Variants in TAF2 observed in about 807,000 individuals in gnomAD.
The protein encoded by TAF2 is TATA-box binding protein associated factor 2, also known as transcription initiation factor TFIID subunit 2.
In TAF2, 61 loss-of-function variants were observed where a neutral mutation model predicts 138.5. The observed-to-expected ratio is 0.44, with a 90% confidence interval of 0.36 to 0.54. The LOEUF (loss-of-function observed/expected upper bound fraction) is 0.54. Among genes scored for constraint, TAF2 ranks in the 20% least tolerant of loss-of-function variants. The pLI, the probability that TAF2 is intolerant of heterozygous loss-of-function variation, is 0.00. For synonymous variants in TAF2, 475 were observed against 469.9 expected, an observed-to-expected ratio of 1.01 and a Z score of -0.14; for missense variants, 1,090 against 1,427.9, an observed-to-expected ratio of 0.76 and a Z score of 3.81.
chr8:119,766,082 T>C (rs1293590029), intron 18 of TAF2, among the ~76,000 whole-genome samples: 1 of 152,228 alleles, frequency 6.6e-6, no homozygotes, highest in East Asian at 1.9e-4. Context: ...ACTACAACTA[T>C]GATATTACAT....
At chr8:119,754,036 A>G (rs754905656) in intron 22 of TAF2, among the ~76,000 whole-genome samples, 1 of 152,214 alleles carries the variant, frequency 6.6e-6, no homozygotes, top group African/African-American at 2.4e-5. Flanking sequence ...TCTTTCAGAG[A>G]TTAAAGAAAA....
intron 5 of TAF2, among the ~76,000 whole-genome samples, chr8:119,802,326 T>C (rs7832755): frequency 0.71 from 108,212 of 152,102 alleles, 38,656 homozygotes; most frequent in Middle Eastern, 0.85. Flanking sequence ...TGTATCCGCA[T>C]ATTAGTCAGT....
intron 3 of TAF2, among the ~76,000 whole-genome samples, chr8:119,810,570 T>G (rs1320403277): frequency 6.6e-6 from 1 of 152,216 alleles, no homozygotes. Flanking sequence ...TACAAAACTG[T>G]TTCAGAAGAG....
chr8:119,799,513 C>T (rs1824089742), intron 6 of TAF2, among the ~76,000 whole-genome samples: 1 of 152,140 alleles, frequency 6.6e-6, no homozygotes. Flanking sequence ...CATAGTATTC[C>T]ATGATGCATA....
intron 3 of TAF2, among the ~76,000 whole-genome samples, chr8:119,812,256 GC>G (rs1203929553): frequency 1.3e-5 from 2 of 152,040 alleles, no homozygotes; most frequent in South Asian, 2.1e-4. Flanking sequence ...AACTACCTGG[GC>G]CATAACAGGC....
intron 18 of TAF2, among the ~76,000 whole-genome samples, chr8:119,765,720 A>C (rs1467848771): frequency 6.6e-6 from 1 of 152,182 alleles, no homozygotes; most frequent in Non-Finnish European, 1.5e-5. Context: ...TTTAATTATA[A>C]AAATATTTTA....
At chr8:119,781,967 C>T (rs1455137049) in intron 16 of TAF2, among the ~76,000 whole-genome samples, 2 of 152,106 alleles carry the variant, frequency 1.3e-5, no homozygotes, top group African/African-American at 2.4e-5. Context: ...GGATTACAGG[C>T]GTGAGCCACT....
At chr8:119,825,521 G>C (rs1295447096) in intron 2 of TAF2, among the ~76,000 whole-genome samples, 1 of 152,100 alleles carries the variant, frequency 6.6e-6, no homozygotes, top group African/African-American at 2.4e-5. Flanking sequence ...ATTTGGGAGG[G>C]GCCAGGGGCA....
rs1261317033 is a variant in TAF2, at chr8:119,760,537, T to C, written c.2698+62A>G. ...CATATTACGAAAACCCCAACAACAC[T>C]GGCTTTAAAAAGTAAATAGTTCTTT... On this transcript the variant is annotated intron_variant, in intron 20 of 25. Coordinates refer to ENST00000378164, the MANE Select transcript of TAF2 (RefSeq NM_003184.4). 5.0e-6 allele frequency: 8 copies of C among 1,589,658 alleles called. No homozygotes were observed. In the Admixed American group the frequency reaches 1.2e-4, roughly 23 times the overall value.
At chr8:119,809,801 C>T (rs901557963) in intron 3 of TAF2, among the ~76,000 whole-genome samples, 3 of 152,028 alleles carry the variant, frequency 2.0e-5, no homozygotes, top group Non-Finnish European at 4.4e-5. Flanking sequence ...CCATCTGTGG[C>T]GTCCCCAAAA....
rs983885189 is a variant in TAF2, at chr8:119,742,545, C to T, written c.3326G>A (p.Arg1109Gln). 17 of 1,613,802 alleles carry T rather than the reference C, an allele frequency of 1.1e-5. No individual in the cohort carries two copies. The highest frequency in any genetic ancestry group is 1.3e-5 in the African/African-American group (1 of 74,980). ...TTAATTATTTTTACCTGTTCCCTTCCGTGCAAGTTCCAAACTCCACTGGGG... is the reference window on the plus strand; with the variant it reads ...TTAATTATTTTTACCTGTTCCCTTCTGTGCAAGTTCCAAACTCCACTGGGG... ...TKPQWSLELA[R>Q]KGTGKEQAPL... Residue 1109 changes from arginine (R) to glutamine (Q), a missense_variant, in exon 25 of 26, where the codon CGG becomes CAG. By Grantham distance (43) the Arg-to-Gln change is conservative (BLOSUM62 1). Around this residue, in one of 3 missense-constraint regions of TAF2, gnomAD observed 580 missense variants for 719.6 expected, o/e 0.81. Coordinates refer to ENST00000378164, the MANE Select transcript of TAF2 (RefSeq NM_003184.4).
chr8:119,802,877 G>C (rs1824361726), intron 5 of TAF2, among the ~76,000 whole-genome samples: 1 of 152,160 alleles, frequency 6.6e-6, no homozygotes, highest in Non-Finnish European at 1.5e-5. Flanking sequence ...CATGAGCCGA[G>C]ATTGCGCCAC....
chr8:119,774,040 G>A (rs1014966854), intron 18 of TAF2, among the ~76,000 whole-genome samples: 6 of 150,708 alleles, frequency 4.0e-5, no homozygotes, highest in East Asian at 1.9e-4. Context: ...GTGTGGTGGC[G>A]GGTGCCTGTA....
At chr8:119,767,632 C>T (rs1821527343) in intron 18 of TAF2, among the ~76,000 whole-genome samples, 1 of 152,224 alleles carries the variant, frequency 6.6e-6, no homozygotes, top group Admixed American at 6.5e-5. Flanking sequence ...GCTGCTACTG[C>T]CCCACCAGGG....
At chr8:119,735,434 CA>C (rs1819163737) in intron 25 of TAF2, among the ~76,000 whole-genome samples, 3 of 152,140 alleles carry the variant, frequency 2.0e-5, no homozygotes, top group Admixed American at 2.0e-4. Context: ...GAATAATGCA[CA>C]AAAACTATTA....
chr8:119,826,534 T>C (rs1257579510), intron 2 of TAF2, among the ~76,000 whole-genome samples: 1 of 152,144 alleles, frequency 6.6e-6, no homozygotes, highest in Non-Finnish European at 1.5e-5. Context: ...CAAGATTACT[T>C]TCAGTTTTCA....
intron 5 of TAF2, among the ~76,000 whole-genome samples, chr8:119,803,314 A>C (rs1266605844): frequency 1.3e-5 from 2 of 152,198 alleles, no homozygotes; most frequent in South Asian, 4.1e-4. Flanking sequence ...CTTCAATATA[A>C]AGTTTTTAAA....
At chr8:119,796,865 A>C in intron 8 of TAF2, 125 bp downstream of exon 8, 1 of 709,986 alleles carries the variant, frequency 1.4e-6, no homozygotes, top group South Asian at 1.6e-5. Context: ...CTTTAAATAC[A>C]TATAGAACAG....
chr8:119,801,725 G>C lies in TAF2; in HGVS notation c.792+69C>G, dbSNP rs893488669. The C allele has an allele frequency of 1.2e-4, 180 of 1,491,500 alleles. 1 individual carries two copies. The highest frequency in any genetic ancestry group is 1.2e-3 in the Middle Eastern group (7 of 5,820). 92.4% of individuals were successfully genotyped at this position (1,491,500 alleles called of 1,614,324 possible). A position where few individuals can be genotyped will look rare whatever the true frequency, so the allele number is the denominator to read the frequency against. ...TTACAGGCATGAGCCACCGTGCCTT[G>C]CCAATATCTATCTTTTTAAAAGCAG... On this transcript the variant is annotated intron_variant, in intron 6 of 25. Coordinates refer to ENST00000378164, the MANE Select transcript of TAF2 (RefSeq NM_003184.4).
Sources: allele counts gnomAD v4.1 joint callset (sites outside exome capture counted in the v4.1 genomes callset), GRCh38; gene constraint gnomAD v4.1.1; regional missense constraint gnomAD v4.1.1; transcripts MANE v1.5; gene names NCBI Gene and HGNC (gene_info 2026-07-23, HGNC 2026-07-21).